Variants in LMBRD2 observed in about 807,000 individuals in gnomAD.
LMBRD2 encodes the protein LMBR1 domain containing 2.
Under a neutral mutation model 94.4 loss-of-function variants are expected in LMBRD2, and 55 were observed. The ratio of observed to expected loss-of-function variants is 0.58; its 90% CI spans 0.47 to 0.73. The LOEUF (loss-of-function observed/expected upper bound fraction) is 0.73, where lower values mean the gene tolerates loss of function less well. LMBRD2 is among the 30% of genes least tolerant of loss of function. LMBRD2 has a pLI of 0.00. For synonymous variants in LMBRD2, 246 were observed against 272.4 expected (o/e 0.90, Z 0.95); for missense variants, 640 against 831.9 (o/e 0.77, Z 2.84).
Position 36,141,151 on chromosome 5 carries a change from T to C in LMBRD2, c.324A>G (p.Pro108=). Residue 108 remains proline, a synonymous_variant, in exon 4 of 18, where the codon CCA becomes CCG. Transcript: ENST00000296603. ...PWSYIPDGIM[P]IFWRVVYWTS... is the part of the protein sequence containing the mutation. Reference sequence around the variant, plus strand: ...TCCAATACACTACCCTCCAGAAAATTGGCATGATTCCATCAGGAATGTAAC... The same window carrying C: ...TCCAATACACTACCCTCCAGAAAATCGGCATGATTCCATCAGGAATGTAAC... 1.2e-6 allele frequency: 2 copies of C among 1,611,880 alleles called. No homozygotes were observed. The highest frequency in any genetic ancestry group is 1.3e-5 in the African/African-American group (1 of 74,984).
At chr5:36,119,160 A>G (rs1187553587) in intron 9 of LMBRD2, among the ~76,000 whole-genome samples, 2 of 152,354 alleles carry the variant, frequency 1.3e-5, no homozygotes, top group Non-Finnish European at 2.9e-5. Flanking sequence ...CAATATCCAC[A>G]TAAATGATTC....
chr5:36,134,564 T>C (rs934677563), intron 6 of LMBRD2, among the ~76,000 whole-genome samples: 1 of 152,150 alleles, frequency 6.6e-6, no homozygotes, highest in African/African-American at 2.4e-5. Context: ...CAATGAAGTT[T>C]GGACACTGGC....
intron 5 of LMBRD2, 24 bp downstream of exon 5, chr5:36,137,250 T>A: frequency 6.8e-7 from 1 of 1,466,712 alleles, no homozygotes; most frequent in Non-Finnish European, 9.3e-7. Context: ...ATTAAAGCAA[T>A]GTTAAGAAGA....
intron 9 of LMBRD2, among the ~76,000 whole-genome samples, chr5:36,120,155 T>C (rs1342512531): frequency 1.3e-5 from 2 of 151,350 alleles, no homozygotes; most frequent in African/African-American, 4.9e-5. Flanking sequence ...GCCTCCCGGG[T>C]TCAAGCGATT....
At chr5:36,141,496 A>G (rs1463099647) in intron 3 of LMBRD2, among the ~76,000 whole-genome samples, 1 of 152,200 alleles carries the variant, frequency 6.6e-6, no homozygotes, top group Non-Finnish European at 1.5e-5. Flanking sequence ...CTAATAGACT[A>G]AAAGTGCAAC....
chr5:36,112,382 T>A (rs908595290), intron 13 of LMBRD2, among the ~76,000 whole-genome samples: 1 of 152,164 alleles, frequency 6.6e-6, no homozygotes, highest in African/African-American at 2.4e-5. Flanking sequence ...AAACAACTTA[T>A]GCTCTCTAGG....
chr5:36,112,292 G>T (rs192662363), intron 13 of LMBRD2, among the ~76,000 whole-genome samples: 259 of 152,124 alleles, frequency 1.7e-3, no homozygotes, highest in African/African-American at 5.1e-3. Flanking sequence ...ATCCTTATGG[G>T]AGTACTATAC....
At chr5:36,138,771 C>G (rs1217830314) in intron 4 of LMBRD2, among the ~76,000 whole-genome samples, 4 of 152,216 alleles carry the variant, frequency 2.6e-5, no homozygotes, top group African/African-American at 9.6e-5. Context: ...GGAAAGGAAT[C>G]TGAATTGAGA....
intron 13 of LMBRD2, among the ~76,000 whole-genome samples, chr5:36,113,136 C>T (rs962861308): frequency 2.0e-5 from 3 of 152,136 alleles, no homozygotes; most frequent in South Asian, 2.1e-4. Flanking sequence ...AACCCAGCAC[C>T]GCGCCCTGGG....
Position 36,151,026 on chromosome 5 carries a change from T to A in LMBRD2, c.-58+530A>T, listed in dbSNP as rs890394512. The stretch of plus-strand genomic sequence containing the variant: ...AATTCATCCCCCTTCCCTCTTCCAC[T>A]GTTTTCCCGGGGTCACAGTTGTAGT... On this transcript the variant is annotated intron_variant, in intron 1 of 17. Transcript: ENST00000296603. The surrounding 1 kb of genome is among the most constrained non-coding windows in gnomAD (Gnocchi z 4.7). Among the ~76,000 whole-genome samples the A allele has an allele frequency of 2.0e-5, 3 of 152,242 alleles. No homozygotes were observed. Among genetic ancestry groups the A allele is most frequent in the African/African-American group, 7.2e-5 (3 of 41,468 alleles).
At chr5:36,122,717 A>T in intron 8 of LMBRD2, 131 bp downstream of exon 8, 1 of 1,217,932 alleles carries the variant, frequency 8.2e-7, no homozygotes, top group Non-Finnish European at 1.1e-6. Flanking sequence ...AAATATTTCA[A>T]AGAATGATAA....
At chr5:36,106,508 C>CTTTTTTTTTTTTTTT (rs201602814) in intron 16 of LMBRD2, among the ~76,000 whole-genome samples, 11 of 132,854 alleles carry the variant, frequency 8.3e-5, no homozygotes, top group Non-Finnish European at 1.6e-4. Context: ...TTTTTTCTTT[C>CTTTTTTTTTTTTTTT]GTTTTTTTTT....
In LMBRD2 at chr5:36,142,609, C is replaced by T. The variant is rs1579528431; in HGVS notation, c.175-10G>A. ...ACCGGTTGTATATTGTCTAAAGCAA[C>T]GAATGTATGGTTTAAAAATGAGAAT... On this transcript the variant is annotated splice_polypyrimidine_tract_variant and intron_variant, in intron 2 of 17. Coordinates refer to ENST00000296603, the MANE Select transcript of LMBRD2 (RefSeq NM_001007527.2). 1.3e-6 allele frequency: 2 copies of T among 1,502,940 alleles called. No individual in the cohort carries two copies. Among genetic ancestry groups the T allele is most frequent in the Non-Finnish European group, 1.9e-6 (2 of 1,079,838 alleles). The allele number at this position is 1,502,940 out of a possible 1,614,324, so 93.1% of individuals were successfully genotyped here.
intron 6 of LMBRD2, among the ~76,000 whole-genome samples, chr5:36,125,635 G>T (rs1196515504): frequency 6.6e-6 from 1 of 152,078 alleles, no homozygotes; most frequent in Non-Finnish European, 1.5e-5. Context: ...AGCAAAAAGT[G>T]ATATAATCTA....
intron 13 of LMBRD2, 82 bp downstream of exon 13, chr5:36,114,341 AT>A (rs1249089019): frequency 2.8e-6 from 4 of 1,449,082 alleles, no homozygotes; most frequent in Non-Finnish European, 3.6e-6. Flanking sequence ...CTGAAACTCA[AT>A]CAGTAAATAT....
intron 4 of LMBRD2, among the ~76,000 whole-genome samples, chr5:36,139,180 CTG>C (rs1318878353): frequency 2.6e-5 from 4 of 152,252 alleles, no homozygotes; most frequent in Non-Finnish European, 5.9e-5. Context: ...GACACCTGCT[CTG>C]ATTTTGGAGA....
chr5:36,105,078 C>A lies in LMBRD2; in HGVS notation c.2017G>T (p.Glu673Ter), dbSNP rs747936310. The change falls in exon 17 of 18, where the codon GAA (glutamate) becomes TAA (stop). Residue 673 changes from glutamate (E) to a stop codon, truncating the protein, a stop_gained. Coordinates refer to ENST00000296603, the MANE Select transcript of LMBRD2 (RefSeq NM_001007527.2). LOFTEE classifies it high-confidence loss of function. Reference protein sequence around the residue: ...ETFTDDPLESESGRYQPGGRY... With the variant: ...ETFTDDPLES ...ACAGCCAGAACTTACCTTCCTGATT[C>A]AGATTCAAGAGGATCATCAGTGAAT... The A allele has an allele frequency of 6.2e-7, 1 of 1,611,988 alleles. No individual in the cohort carries two copies. Among genetic ancestry groups the A allele is most frequent in the South Asian group, 1.1e-5 (1 of 90,784 alleles).
At chr5:36,131,525 T>C (rs1199532184) in intron 6 of LMBRD2, among the ~76,000 whole-genome samples, 1 of 151,934 alleles carries the variant, frequency 6.6e-6, no homozygotes. Flanking sequence ...GCATCAAAAT[T>C]GGAAAGAAAG....
rs2111899648 is a variant in LMBRD2 at position 36,136,367 on chromosome 5, G to A, written c.689C>T (p.Ala230Val). Residue 230 changes from alanine to valine, a missense_variant, in exon 6 of 18, where the codon GCA becomes GTA. Physicochemically the swap from Ala to Val is moderately conservative, Grantham distance 64 (BLOSUM62 0). Around this residue, in one of 2 missense-constraint regions of LMBRD2, gnomAD observed 457 missense variants for 642.8 expected, o/e 0.71. Coordinates refer to ENST00000296603, the MANE Select transcript of LMBRD2 (RefSeq NM_001007527.2). ...TGCTTTCTCTGTCATCAGTTTGGCT[G>A]CCTTAAAATACGTTTTCATAAGTAG... ...GYLLMKTYFK[A>V]AKLMTEKADA... 6.2e-7 allele frequency: 1 copy of A among 1,614,054 alleles called. No individual in the cohort carries two copies. Among genetic ancestry groups the A allele is most frequent in the Non-Finnish European group, 8.5e-7 (1 of 1,179,944 alleles).
Sources: gnomAD v4.1 joint callset for allele counts (sites outside exome capture counted in the v4.1 genomes callset) on GRCh38, gnomAD v4.1.1 for gene constraint, gnomAD v4.1.1 regional missense constraint, Gnocchi (gnomAD v3.1) non-coding constraint, MANE v1.5 for transcripts, NCBI Gene and HGNC (gene_info 2026-07-23, HGNC 2026-07-21) for gene names.